The following SHISA9 variants were observed in gnomAD, a reference collection of about 807,000 sequenced individuals.
SHISA9 encodes the protein protein shisa-9.
SHISA9 carries 13 observed loss-of-function variants against 38.0 expected under a neutral mutation model. That is an observed-to-expected ratio of 0.34 (90% CI 0.22 to 0.54). SHISA9 has a LOEUF of 0.54. Ranked by LOEUF, SHISA9 falls within the 20% of genes least tolerant of loss-of-function variation. The pLI is 0.91. For synonymous variants in SHISA9, 275 were observed against 242.0 expected, an observed-to-expected ratio of 1.14 and a Z score of -1.27; for missense variants, 538 against 575.8, an observed-to-expected ratio of 0.93 and a Z score of 0.67.
the SHISA9 span, among the ~76,000 whole-genome samples, chr16:13,543,957 C>T: frequency 6.6e-6 from 1 of 152,122 alleles, no homozygotes; most frequent in Non-Finnish European, 1.5e-5. Context: ...AATGTTCTGG[C>T]TCCTTGTGCA....
chr16:13,298,154 C>T, the SHISA9 span, among the ~76,000 whole-genome samples: 2 of 152,166 alleles, frequency 1.3e-5, no homozygotes, highest in Non-Finnish European at 2.9e-5. Flanking sequence ...ACCGGCTGCT[C>T]TTCGTTCAAA....
the SHISA9 span, among the ~76,000 whole-genome samples, chr16:13,341,631 T>C: frequency 6.6e-6 from 1 of 152,182 alleles, no homozygotes; most frequent in African/African-American, 2.4e-5. Context: ...TTACCTCTGG[T>C]CCTAGTAAAG....
chr16:12,911,816 G>C (rs2071187612), intron 1 of SHISA9, among the ~76,000 whole-genome samples: 1 of 148,050 alleles, frequency 6.8e-6, no homozygotes, highest in Non-Finnish European at 1.5e-5. Context: ...GTTTTGTTAA[G>C]AAGGGGGGCA....
At chr16:13,120,379 T>C (rs1239312257) in intron 2 of SHISA9, among the ~76,000 whole-genome samples, 2 of 152,144 alleles carry the variant, frequency 1.3e-5, no homozygotes, top group African/African-American at 4.8e-5. Flanking sequence ...CATCTGTTCC[T>C]TCCCCACGAA....
intron 2 of SHISA9, among the ~76,000 whole-genome samples, chr16:13,156,219 G>A (rs570041434): frequency 7.9e-5 from 12 of 152,156 alleles, no homozygotes; most frequent in Non-Finnish European, 1.3e-4. Context: ...AGAAAACCGT[G>A]TACACGCAGC....
chr16:13,287,583 A>G, the SHISA9 span, among the ~76,000 whole-genome samples: 1 of 152,152 alleles, frequency 6.6e-6, no homozygotes, highest in African/African-American at 2.4e-5. Context: ...CAAAATAAAG[A>G]GTGTGATGGG....
the SHISA9 span, among the ~76,000 whole-genome samples, chr16:13,439,303 A>C: frequency 3.9e-5 from 6 of 152,194 alleles, no homozygotes; most frequent in African/African-American, 7.2e-5. Context: ...TCTCTAAGGT[A>C]CAGCATGGTG....
chr16:13,511,954 G>T, the SHISA9 span, among the ~76,000 whole-genome samples: 3 of 152,110 alleles, frequency 2.0e-5, no homozygotes, highest in Non-Finnish European at 1.5e-5. Context: ...GCCAGGAAAA[G>T]TTCCTATTCC....
the SHISA9 span, among the ~76,000 whole-genome samples, chr16:13,423,028 C>G: frequency 6.6e-6 from 1 of 152,326 alleles, no homozygotes; most frequent in East Asian, 1.9e-4. Context: ...GGTGCATGGT[C>G]TTGCACAAAT....
At chr16:12,927,096 A>G (rs7201352) in intron 2 of SHISA9, among the ~76,000 whole-genome samples, 5,502 of 152,276 alleles carry the variant, frequency 0.036, 155 homozygotes, top group African/African-American at 0.072. Context: ...TTCTTTTAAT[A>G]ATAACAGCCA....
At chr16:13,020,489 C>A (rs1237875789) in intron 2 of SHISA9, among the ~76,000 whole-genome samples, 1 of 152,140 alleles carries the variant, frequency 6.6e-6, no homozygotes, top group Non-Finnish European at 1.5e-5. Flanking sequence ...TGTTAGTTTG[C>A]TAAAGATAAT....
the SHISA9 span, among the ~76,000 whole-genome samples, chr16:13,432,434 G>C: frequency 1.6e-3 from 246 of 152,316 alleles, no homozygotes; most frequent in African/African-American, 5.3e-3. Flanking sequence ...AGGCCAATGA[G>C]CTGTGAAATG....
chr16:13,449,974 G>T, the SHISA9 span, among the ~76,000 whole-genome samples: 1 of 152,044 alleles, frequency 6.6e-6, no homozygotes, highest in African/African-American at 2.4e-5. Context: ...AAAAATAGCA[G>T]TGTGTGGTGG....
chr16:13,304,707 T>G, the SHISA9 span, among the ~76,000 whole-genome samples: 193 of 152,206 alleles, frequency 1.3e-3, no homozygotes, highest in African/African-American at 4.0e-3. Context: ...ATGAGGTGAG[T>G]TCTATTATTA....
chr16:13,190,990 C>A (rs529557678), intron 2 of SHISA9, among the ~76,000 whole-genome samples: 1 of 151,894 alleles, frequency 6.6e-6, no homozygotes, highest in South Asian at 2.1e-4. Flanking sequence ...TCTACATAAA[C>A]CTTTTCTGAT....
At chr16:13,003,763 C>T (rs1332559893) in intron 2 of SHISA9, among the ~76,000 whole-genome samples, 2 of 152,082 alleles carry the variant, frequency 1.3e-5, no homozygotes, top group African/African-American at 2.4e-5. Flanking sequence ...GAGGCTGAGC[C>T]AGGAGAATCG....
chr16:13,398,633 C>T, the SHISA9 span, among the ~76,000 whole-genome samples: 4 of 151,894 alleles, frequency 2.6e-5, no homozygotes, highest in Admixed American at 2.6e-4. Context: ...GCCTTAGCCT[C>T]CTGAGTAGCT....
chr16:12,992,987 T>C (rs1407252577), intron 2 of SHISA9, among the ~76,000 whole-genome samples: 1 of 152,232 alleles, frequency 6.6e-6, no homozygotes, highest in Non-Finnish European at 1.5e-5. Flanking sequence ...TAGCGTAGGA[T>C]TGTCTGTGCA....
At chr16:12,966,570 T>C (rs955405194) in intron 2 of SHISA9, among the ~76,000 whole-genome samples, 1 of 152,142 alleles carries the variant, frequency 6.6e-6, no homozygotes, top group East Asian at 1.9e-4. Context: ...TTATAATCTT[T>C]ATAACAATTC....
Sources: allele counts gnomAD v4.1 joint callset (sites outside exome capture counted in the v4.1 genomes callset), GRCh38; gene constraint gnomAD v4.1.1; transcripts MANE v1.5; gene names NCBI Gene and HGNC (gene_info 2026-07-23, HGNC 2026-07-21).